ARB2A: variants seen among roughly 807,000 people sequenced by gnomAD.
ARB2A encodes ARB2 cotranscriptional regulator A.
At chr5:93,811,561 C>A in the ARB2A span, among the ~76,000 whole-genome samples, 1 of 152,124 alleles carries the variant, frequency 6.6e-6, no homozygotes, top group South Asian at 2.1e-4. Flanking sequence ...AAAGTCACTA[C>A]AATTAGTACA....
At chr5:93,802,908 A>G in the ARB2A span, among the ~76,000 whole-genome samples, 8 of 152,202 alleles carry the variant, frequency 5.3e-5, no homozygotes, top group Admixed American at 1.3e-4. Context: ...GAACAGCAGC[A>G]ACAACAAAAA....
chr5:93,992,360 G>A, the ARB2A span, among the ~76,000 whole-genome samples: 1 of 152,006 alleles, frequency 6.6e-6, no homozygotes, highest in Non-Finnish European at 1.5e-5. Flanking sequence ...CATTATATGT[G>A]AAGTGGCATC....
At chr5:94,060,613 T>C in the ARB2A span, among the ~76,000 whole-genome samples, 1 of 152,144 alleles carries the variant, frequency 6.6e-6, no homozygotes, top group African/African-American at 2.4e-5. Context: ...TTCTACACAA[T>C]ATCTTCCAGT....
At chr5:93,894,873 AAT>A in the ARB2A span, among the ~76,000 whole-genome samples, 3 of 152,206 alleles carry the variant, frequency 2.0e-5, no homozygotes, top group African/African-American at 7.2e-5. Flanking sequence ...TACAGCATGG[AAT>A]AGTGTGAACA....
At chr5:94,042,390 C>T in the ARB2A span, among the ~76,000 whole-genome samples, 1 of 144,458 alleles carries the variant, frequency 6.9e-6, no homozygotes, top group East Asian at 2.1e-4. Context: ...ACTGCAAGCT[C>T]TGCCTCCCGG....
At chr5:94,074,658 T>C in the ARB2A span, 2 of 1,612,114 alleles carry the variant, frequency 1.2e-6, no homozygotes, top group Non-Finnish European at 1.7e-6. Flanking sequence ...TTCAGTGCGG[T>C]AGTCTTTTCT....
At chr5:93,858,772 A>G in the ARB2A span, among the ~76,000 whole-genome samples, 1 of 152,242 alleles carries the variant, frequency 6.6e-6, no homozygotes, top group Non-Finnish European at 1.5e-5. Flanking sequence ...TTGCAAATGT[A>G]AAAGAATTCT....
At chr5:93,907,620 T>C in the ARB2A span, among the ~76,000 whole-genome samples, 2 of 151,478 alleles carry the variant, frequency 1.3e-5, no homozygotes, top group Non-Finnish European at 3.0e-5. Flanking sequence ...TAAAATACTG[T>C]CATTTATACC....
chr5:93,667,282 T>C, the ARB2A span, among the ~76,000 whole-genome samples: 1 of 152,224 alleles, frequency 6.6e-6, no homozygotes, highest in East Asian at 1.9e-4. Flanking sequence ...TTTCCCCACC[T>C]CTGGCTGTTT....
the ARB2A span, among the ~76,000 whole-genome samples, chr5:93,850,863 T>G: frequency 6.6e-6 from 1 of 152,224 alleles, no homozygotes; most frequent in South Asian, 2.1e-4. Context: ...TGTACTGTGG[T>G]ATGAAATATC....
chr5:93,743,538 T>C, the ARB2A span: 22 of 985,068 alleles, frequency 2.2e-5, no homozygotes, highest in Non-Finnish European at 2.4e-5. Flanking sequence ...TATACTTACA[T>C]GCTATTTTTT....
At chr5:94,062,283 C>T in the ARB2A span, among the ~76,000 whole-genome samples, 2 of 152,182 alleles carry the variant, frequency 1.3e-5, no homozygotes, top group Non-Finnish European at 2.9e-5. Flanking sequence ...GGGGGAGGTG[C>T]TTCAAGAAGG....
the ARB2A span, among the ~76,000 whole-genome samples, chr5:93,776,718 C>T: frequency 6.6e-6 from 1 of 152,104 alleles, no homozygotes; most frequent in Non-Finnish European, 1.5e-5. Context: ...GCAGAGGTTG[C>T]AGTGAGCTGA....
the ARB2A span, chr5:93,741,199 A>G: frequency 1.9e-6 from 3 of 1,613,748 alleles, no homozygotes; most frequent in East Asian, 2.2e-5. Flanking sequence ...CTCTTTCAGT[A>G]TGCCCGAGAT....
the ARB2A span, among the ~76,000 whole-genome samples, chr5:93,961,163 G>A: frequency 1.3e-5 from 2 of 152,084 alleles, no homozygotes; most frequent in East Asian, 3.9e-4. Flanking sequence ...GTCTAAACAC[G>A]CACAAAGAAA....
At chr5:93,677,246 C>T in the ARB2A span, among the ~76,000 whole-genome samples, 7 of 152,110 alleles carry the variant, frequency 4.6e-5, no homozygotes, top group Non-Finnish European at 1.0e-4. Context: ...TCACATGATG[C>T]ACAAAAGTTC....
chr5:93,629,976 C>T, the ARB2A span, among the ~76,000 whole-genome samples: 4 of 151,954 alleles, frequency 2.6e-5, no homozygotes, highest in Non-Finnish European at 4.4e-5. Flanking sequence ...CTGTAATATG[C>T]GTTATTGAGT....
the ARB2A span, among the ~76,000 whole-genome samples, chr5:94,008,875 T>C: frequency 6.6e-6 from 1 of 152,184 alleles, no homozygotes; most frequent in Non-Finnish European, 1.5e-5. Flanking sequence ...TAGCTCACAA[T>C]GTGCTCTTCC....
the ARB2A span, among the ~76,000 whole-genome samples, chr5:93,995,916 A>G: frequency 6.6e-6 from 1 of 152,186 alleles, no homozygotes; most frequent in African/African-American, 2.4e-5. Context: ...GGAGAAATAC[A>G]GTATTGGGTA....
Sources: allele counts gnomAD v4.1 joint callset (sites outside exome capture counted in the v4.1 genomes callset), GRCh38; gene constraint gnomAD v4.1.1; transcripts MANE v1.5; gene names NCBI Gene and HGNC (gene_info 2026-07-23, HGNC 2026-07-21).